MACROD2: variants seen among roughly 807,000 people sequenced by gnomAD.
MACROD2 encodes the protein mono-ADP ribosylhydrolase 2.
A neutral mutation model predicts 70.4 loss-of-function variants in MACROD2; 36 were observed. The observed-to-expected ratio is 0.51, with a 90% CI of 0.39 to 0.68. The LOEUF is 0.68. Among genes scored for constraint, MACROD2 ranks in the 30% least tolerant of loss-of-function variants. The pLI, the probability that MACROD2 is intolerant of heterozygous loss-of-function variation, is 0.00. For synonymous variants in MACROD2, 172 were observed against 178.8 expected (o/e 0.96, Z 0.30); for missense variants, 496 against 538.4 (o/e 0.92, Z 0.78).
At chr20:15,910,118 T>G (rs2065213726) in intron 10 of MACROD2, among the ~76,000 whole-genome samples, 1 of 152,222 alleles carries the variant, frequency 6.6e-6, no homozygotes, top group Non-Finnish European at 1.5e-5. Flanking sequence ...CCCCTGGTTC[T>G]GTTACGCCAT....
chr20:15,585,759 A>G (rs958977552), intron 8 of MACROD2, among the ~76,000 whole-genome samples: 1 of 71,768 alleles, frequency 1.4e-5, no homozygotes, highest in Non-Finnish European at 2.6e-5. Flanking sequence ...TCCCTATTTC[A>G]CTGCCTCATT....
At chr20:15,573,015 A>G (rs1469335649) in intron 8 of MACROD2, among the ~76,000 whole-genome samples, 3 of 152,196 alleles carry the variant, frequency 2.0e-5, no homozygotes, top group Non-Finnish European at 4.4e-5. Flanking sequence ...CCACAAGAGT[A>G]CTTTTCAAAA....
At chr20:15,628,165 T>A (rs1223555142) in intron 8 of MACROD2, among the ~76,000 whole-genome samples, 1 of 152,198 alleles carries the variant, frequency 6.6e-6, no homozygotes, top group Admixed American at 6.5e-5. Flanking sequence ...GGGTTTTATG[T>A]ATTGTGTACT....
intron 3 of MACROD2, among the ~76,000 whole-genome samples, chr20:14,389,215 A>G (rs2083500145): frequency 6.6e-6 from 1 of 151,732 alleles, no homozygotes; most frequent in South Asian, 2.1e-4. Context: ...TTTTTTAAAG[A>G]GATAGAGACC....
At chr20:15,076,137 G>T (rs2075656570) in intron 5 of MACROD2, among the ~76,000 whole-genome samples, 1 of 152,012 alleles carries the variant, frequency 6.6e-6, no homozygotes, top group Admixed American at 6.6e-5. Context: ...TTATGATACT[G>T]CCTATACAAT....
chr20:15,355,087 C>G (rs2078271639), intron 6 of MACROD2, among the ~76,000 whole-genome samples: 1 of 152,188 alleles, frequency 6.6e-6, no homozygotes, highest in African/African-American at 2.4e-5. Context: ...CCCAACTGAT[C>G]TAATGCCAAC....
At chr20:15,809,410 G>A (rs548562702) in intron 8 of MACROD2, among the ~76,000 whole-genome samples, 72 of 152,232 alleles carry the variant, frequency 4.7e-4, no homozygotes, top group African/African-American at 1.7e-3. Flanking sequence ...ATTAGCTCAC[G>A]GTTCTGCAGG....
chr20:15,837,227 A>G (rs2064123898), intron 8 of MACROD2, among the ~76,000 whole-genome samples: 2 of 152,182 alleles, frequency 1.3e-5, no homozygotes, highest in South Asian at 2.1e-4. Flanking sequence ...TTGTTTAACC[A>G]TAAATGCCTT....
chr20:15,108,939 C>T (rs1174226879), intron 5 of MACROD2, among the ~76,000 whole-genome samples: 2 of 152,232 alleles, frequency 1.3e-5, no homozygotes, highest in East Asian at 3.9e-4. Flanking sequence ...TGTGTCTGTT[C>T]CACAGTCCAG....
At chr20:14,696,279 A>G (rs2071125513) in intron 5 of MACROD2, among the ~76,000 whole-genome samples, 1 of 152,192 alleles carries the variant, frequency 6.6e-6, no homozygotes, top group Non-Finnish European at 1.5e-5. Flanking sequence ...ACACAACTGG[A>G]TATTAATATC....
chr20:14,725,734 G>A (rs1249688057), intron 5 of MACROD2, among the ~76,000 whole-genome samples: 1 of 152,144 alleles, frequency 6.6e-6, no homozygotes, highest in African/African-American at 2.4e-5. Flanking sequence ...TATAGAATAT[G>A]CCTCAGAGTA....
chr20:15,130,857 G>A (rs959101951), intron 5 of MACROD2, among the ~76,000 whole-genome samples: 3 of 152,062 alleles, frequency 2.0e-5, no homozygotes, highest in Admixed American at 6.6e-5. Flanking sequence ...TGGAAGTAGA[G>A]GCTCAGAGGC....
At chr20:15,518,475 G>A (rs1041493327) in intron 8 of MACROD2, among the ~76,000 whole-genome samples, 3 of 152,286 alleles carry the variant, frequency 2.0e-5, no homozygotes, top group South Asian at 4.2e-4. Context: ...TTGAAGCAGA[G>A]GCCAAATTAT....
At chr20:15,820,337 C>T (rs180815490) in intron 8 of MACROD2, among the ~76,000 whole-genome samples, 32 of 152,178 alleles carry the variant, frequency 2.1e-4, no homozygotes, top group African/African-American at 7.7e-4. Context: ...ACTACAGGAG[C>T]ACACCACCAC....
chr20:14,311,765 C>T (rs748647337), intron 3 of MACROD2, among the ~76,000 whole-genome samples: 2 of 151,980 alleles, frequency 1.3e-5, no homozygotes, highest in South Asian at 2.1e-4. Flanking sequence ...TGATCCACCC[C>T]CCATGGCCTC....
At position 14,847,055 on chromosome 20, in the gene MACROD2, T is replaced by C. The variant is rs1384869076; in HGVS notation, c.418+162096T>C. On this transcript the variant is annotated intron_variant, in intron 5 of 17. Coordinates refer to ENST00000684519, the MANE Select transcript of MACROD2 (RefSeq NM_001351661.2). ...ATCTATTTTTCACCATGAATATCAC[T>C]GAAAGAAACAAGTATCTTTTCATCT... Among the ~76,000 whole-genome samples the C allele has an allele frequency of 4.6e-5, 7 of 151,312 alleles. No individual in the cohort carries two copies. In the East Asian group the frequency reaches 1.4e-3, roughly 29 times the overall value.
At chr20:15,499,644 A>C (rs750550536) in intron 7 of MACROD2, 130 bp from the exon 8 acceptor site, 3 of 731,826 alleles carry the variant, frequency 4.1e-6, no homozygotes, top group Non-Finnish European at 7.0e-6. Flanking sequence ...TGTACATCTT[A>C]CTGAGGCCTG....
chr20:15,678,363 C>CTTT (rs534273474), intron 8 of MACROD2, among the ~76,000 whole-genome samples: 2 of 143,690 alleles, frequency 1.4e-5, no homozygotes, highest in Non-Finnish European at 1.5e-5. Flanking sequence ...AAGGCCCCAT[C>CTTT]TTTTTTTTTT....
At chr20:15,986,197 C>T (rs529843625) in intron 13 of MACROD2, among the ~76,000 whole-genome samples, 12 of 152,258 alleles carry the variant, frequency 7.9e-5, no homozygotes, top group South Asian at 2.1e-4. Context: ...AAACAGGTAC[C>T]GAGTATAAAA....
Sources: gnomAD v4.1 joint callset for allele counts (sites outside exome capture counted in the v4.1 genomes callset) on GRCh38, gnomAD v4.1.1 for gene constraint, MANE v1.5 for transcripts, NCBI Gene and HGNC (gene_info 2026-07-23, HGNC 2026-07-21) for gene names.